PDE11A: variants seen among roughly 807,000 people sequenced by gnomAD.
The protein encoded by PDE11A is dual 3',5'-cyclic-AMP and -GMP phosphodiesterase 11A.
PDE11A carries 100 observed loss-of-function variants against 100.5 expected under a neutral mutation model. The ratio of observed to expected loss-of-function variants is 1.00; its 90% CI spans 0.85 to 1.18. The LOEUF (loss-of-function observed/expected upper bound fraction) is 1.18, where lower values mean the gene tolerates loss of function less well. PDE11A is among the 50% of genes most tolerant of loss of function. The pLI is 0.00. For synonymous variants in PDE11A, 381 were observed against 420.8 expected, an observed-to-expected ratio of 0.91 and a Z score of 1.16; for missense variants, 1,141 against 1,152.6, an observed-to-expected ratio of 0.99 and a Z score of 0.15.
At chr2:177,876,710 T>G (rs1437454378) in intron 4 of PDE11A, among the ~76,000 whole-genome samples, 1 of 148,226 alleles carries the variant, frequency 6.7e-6, no homozygotes, top group East Asian at 1.9e-4. Flanking sequence ...CTTACTCAGT[T>G]TCACACAATT....
intron 19 of PDE11A, among the ~76,000 whole-genome samples, chr2:177,658,490 T>C (rs1428986757): frequency 6.6e-6 from 1 of 150,462 alleles, no homozygotes; most frequent in African/African-American, 2.4e-5. Flanking sequence ...TCCCCTCTCC[T>C]CTCCTCTTCT....
intron 2 of PDE11A, among the ~76,000 whole-genome samples, chr2:178,086,077 T>A (rs1238217025): frequency 6.6e-6 from 1 of 152,180 alleles, no homozygotes; most frequent in Non-Finnish European, 1.5e-5. Flanking sequence ...CACTGATCAC[T>A]CAAATTCTCT....
chr2:177,954,027 T>G (rs1014433443), intron 2 of PDE11A, among the ~76,000 whole-genome samples: 13 of 151,876 alleles, frequency 8.6e-5, no homozygotes, highest in Non-Finnish European at 1.2e-4. Context: ...GGGATTTCAC[T>G]TCCTTTACTT....
intron 19 of PDE11A, among the ~76,000 whole-genome samples, chr2:177,629,788 G>A (rs1434893472): frequency 1.3e-5 from 2 of 152,176 alleles, no homozygotes; most frequent in African/African-American, 2.4e-5. Context: ...GACATCACCA[G>A]CATAGCTGTG....
chr2:177,637,925 A>G (rs1288008194), intron 19 of PDE11A, among the ~76,000 whole-genome samples: 2 of 145,230 alleles, frequency 1.4e-5, no homozygotes, highest in Admixed American at 1.4e-4. Context: ...ATACACATAC[A>G]TATATACATA....
intron 2 of PDE11A, among the ~76,000 whole-genome samples, chr2:177,977,679 C>T (rs1356420901): frequency 1.5e-5 from 2 of 133,624 alleles, no homozygotes; most frequent in African/African-American, 5.7e-5. Context: ...CACTACCTGA[C>T]TTCAAACTAT....
At chr2:177,768,507 A>C (rs191158703) in intron 10 of PDE11A, among the ~76,000 whole-genome samples, 1 of 152,328 alleles carries the variant, frequency 6.6e-6, no homozygotes, top group African/African-American at 2.4e-5. Flanking sequence ...CCTAAATATA[A>C]AAAGGCAGGC....
At chr2:177,710,054 C>T (rs186582371) in intron 13 of PDE11A, among the ~76,000 whole-genome samples, 7 of 151,728 alleles carry the variant, frequency 4.6e-5, no homozygotes, top group African/African-American at 1.2e-4. Context: ...TTTCAAGATG[C>T]GGGGGAGCTG....
At chr2:177,658,183 G>C (rs1170105147) in intron 19 of PDE11A, among the ~76,000 whole-genome samples, 2 of 152,180 alleles carry the variant, frequency 1.3e-5, no homozygotes, top group Non-Finnish European at 2.9e-5. Flanking sequence ...TCCTTCTCTT[G>C]AAGGTCACAA....
chr2:177,849,097 G>C lies in PDE11A; in HGVS notation c.1368-8714C>G, dbSNP rs193014232. Reference sequence around the variant, plus strand: ...TTGGCCTCTACTAAGTGCTGGACAGGAGTGAGCCAAATCTTGCATTAAGCG... The same window carrying C: ...TTGGCCTCTACTAAGTGCTGGACAGCAGTGAGCCAAATCTTGCATTAAGCG... On this transcript the variant is annotated intron_variant, in intron 5 of 19. Coordinates refer to ENST00000286063, the MANE Select transcript of PDE11A (RefSeq NM_016953.4). Among the ~76,000 whole-genome samples, 298 of 152,304 alleles carry C rather than the reference G, an allele frequency of 2.0e-3. 2 individuals are homozygous for C. Among genetic ancestry groups the C allele is most frequent in the Admixed American group, 8.2e-3 (126 of 15,300 alleles).
At chr2:177,781,769 T>C (rs1313751322) in intron 9 of PDE11A, among the ~76,000 whole-genome samples, 1 of 152,232 alleles carries the variant, frequency 6.6e-6, no homozygotes, top group Non-Finnish European at 1.5e-5. Flanking sequence ...CCCAAAGTGC[T>C]GGGATTACAA....
intron 15 of PDE11A, 29 bp from the exon 16 acceptor site, chr2:177,680,932 G>GAAA: frequency 9.0e-7 from 1 of 1,109,954 alleles, no homozygotes; most frequent in Non-Finnish European, 1.3e-6. Context: ...AAGAAAGAAA[G>GAAA]AAAAAAAAAA....
chr2:178,078,355 C>T (rs905402400), intron 2 of PDE11A, among the ~76,000 whole-genome samples: 7 of 152,104 alleles, frequency 4.6e-5, no homozygotes, highest in Admixed American at 3.3e-4. Flanking sequence ...CAACCCAACA[C>T]GATGCATTTA....
intron 2 of PDE11A, among the ~76,000 whole-genome samples, chr2:177,989,962 T>C (rs1357331673): frequency 6.6e-6 from 1 of 152,044 alleles, no homozygotes; most frequent in Non-Finnish European, 1.5e-5. Context: ...AGAAACAAGA[T>C]GGAAATGAAG....
intron 2 of PDE11A, among the ~76,000 whole-genome samples, chr2:177,963,625 C>T (rs973960101): frequency 6.6e-6 from 1 of 152,162 alleles, no homozygotes; most frequent in African/African-American, 2.4e-5. Context: ...TCCAGAGAAA[C>T]ACCCAACCCA....
At position 177,665,487 on chromosome 2, in the gene PDE11A, A is replaced by T. The variant is rs558767704; in HGVS notation, c.2563-1538T>A. 2.5e-3 allele frequency among the ~76,000 whole-genome samples: 87 copies of T among 34,938 alleles called. No homozygotes were observed. The East Asian group carries it at 0.031, about 13-fold the overall frequency. The allele number at this position is 34,938 out of a possible 152,430, so 22.9% of individuals were successfully genotyped here. On this transcript the variant is annotated intron_variant, in intron 18 of 19. Coordinates refer to ENST00000286063, the MANE Select transcript of PDE11A (RefSeq NM_016953.4). ...AGAGTGAGACTCAGTCTCAAAAAAA[A>T]AATAATAATAATAAATAAATAAAAT...
rs1287802355 is a variant in PDE11A, at chr2:177,745,506, T to C, written c.1789-17334A>G. On this transcript the variant is annotated intron_variant, in intron 10 of 19. Transcript: ENST00000286063. ...GACGGGACCTAGAATCCTTATTTCT[T>C]AAACATTCCCCAGGTGATGCCAGTG... 2.0e-5 allele frequency among the ~76,000 whole-genome samples: 3 copies of C among 152,154 alleles called. No homozygotes were observed. The East Asian group carries it at 5.8e-4, about 29-fold the overall frequency.
At chr2:177,758,769 G>C (rs2082131888) in intron 10 of PDE11A, among the ~76,000 whole-genome samples, 1 of 152,166 alleles carries the variant, frequency 6.6e-6, no homozygotes, top group Non-Finnish European at 1.5e-5. Context: ...GCCTCACTGG[G>C]ATACAGCAAG....
chr2:177,802,560 C>G (rs1313080082), intron 9 of PDE11A, among the ~76,000 whole-genome samples: 1 of 151,988 alleles, frequency 6.6e-6, no homozygotes, highest in Admixed American at 6.6e-5. Context: ...GGACAAACTT[C>G]ATATGCATTA....
Sources: gnomAD v4.1 joint callset for allele counts (sites outside exome capture counted in the v4.1 genomes callset) on GRCh38, gnomAD v4.1.1 for gene constraint, MANE v1.5 for transcripts, NCBI Gene and HGNC (gene_info 2026-07-23, HGNC 2026-07-21) for gene names.